KALRN: variants seen among roughly 807,000 people sequenced by gnomAD.
KALRN encodes the protein kalirin RhoGEF kinase.
A neutral mutation model predicts 353.7 loss-of-function variants in KALRN; 70 were observed. That is an observed-to-expected ratio of 0.20 (90% CI 0.16 to 0.24). KALRN has a LOEUF of 0.24. Ranked by LOEUF, KALRN falls within the 10% of genes least tolerant of loss-of-function variation. KALRN has a pLI of 1.00. For missense variants in KALRN, 2,791 were observed against 3,756.7 expected (o/e 0.74, Z 6.72); for synonymous variants, 1,391 against 1,434.8 (o/e 0.97, Z 0.69).
At chr3:124,691,065 C>T (rs1248559320) in intron 51 of KALRN, among the ~76,000 whole-genome samples, 3 of 152,222 alleles carry the variant, frequency 2.0e-5, no homozygotes, top group Non-Finnish European at 2.9e-5. Context: ...GTGACAAATA[C>T]TTCCTGTCTT....
chr3:124,351,263 C>T (rs1313915047), intron 10 of KALRN, among the ~76,000 whole-genome samples: 1 of 152,158 alleles, frequency 6.6e-6, no homozygotes, highest in African/African-American at 2.4e-5. Flanking sequence ...AAAGCATGGA[C>T]ACTCTTGTTC....
intron 51 of KALRN, among the ~76,000 whole-genome samples, chr3:124,686,797 G>GAT (rs2061579032): frequency 8.9e-6 from 1 of 112,004 alleles, no homozygotes; most frequent in Non-Finnish European, 1.8e-5. Context: ...ACACTGGTGA[G>GAT]ATTTTTTTTT....
intron 1 of KALRN, among the ~76,000 whole-genome samples, chr3:124,057,116 T>C (rs1360324152): frequency 6.6e-6 from 1 of 152,198 alleles, no homozygotes; most frequent in Non-Finnish European, 1.5e-5. Context: ...CCTTACCACA[T>C]TTGGCTTTGT....
intron 1 of KALRN, among the ~76,000 whole-genome samples, chr3:124,036,504 G>A (rs1017282432): frequency 6.6e-6 from 1 of 151,620 alleles, no homozygotes; most frequent in Non-Finnish European, 1.5e-5. Flanking sequence ...CTTTGCTATT[G>A]TGAACAGTGC....
At chr3:124,127,052 C>G (rs1440538242) in intron 1 of KALRN, among the ~76,000 whole-genome samples, 3 of 152,128 alleles carry the variant, frequency 2.0e-5, no homozygotes, top group African/African-American at 7.2e-5. Context: ...TGACAGGAGC[C>G]CCAAGCTGCC....
At chr3:124,680,375 T>G (rs1198161501) in intron 51 of KALRN, among the ~76,000 whole-genome samples, 2 of 152,216 alleles carry the variant, frequency 1.3e-5, no homozygotes, top group Non-Finnish European at 2.9e-5. Flanking sequence ...GTAACAACCA[T>G]GATAAATTTA....
intron 34 of KALRN, among the ~76,000 whole-genome samples, chr3:124,630,009 G>C (rs749969862): frequency 6.6e-6 from 1 of 152,072 alleles, no homozygotes; most frequent in Non-Finnish European, 1.5e-5. Flanking sequence ...TGCAACTTTC[G>C]AATGCCCAGC....
At position 124,555,612 on chromosome 3, in the gene KALRN, G is replaced by A. The variant is rs188690155; in HGVS notation, c.4936-7231G>A. On this transcript the variant is annotated intron_variant, in intron 33 of 59. Coordinates refer to ENST00000682506, the MANE Select transcript of KALRN (RefSeq NM_001388419.1). ...GGGCAAGATAAATTTGGTTGAAAGG[G>A]GCTGAGAAAAAAAAATTAACAGTTA... Among the ~76,000 whole-genome samples the A allele has an allele frequency of 2.4e-3, 363 of 151,832 alleles. 2 individuals carry two copies. The highest frequency in any genetic ancestry group is 5.8e-3 in the South Asian group (28 of 4,804).
intron 14 of KALRN, among the ~76,000 whole-genome samples, chr3:124,415,346 C>T (rs765788775): frequency 3.9e-5 from 6 of 152,220 alleles, no homozygotes; most frequent in Admixed American, 3.3e-4. Flanking sequence ...TGCTTTTATT[C>T]GTGATAATTA....
chr3:124,098,439 C>G (rs192195876), intron 1 of KALRN, among the ~76,000 whole-genome samples: 1 of 152,364 alleles, frequency 6.6e-6, no homozygotes, highest in African/African-American at 2.4e-5. Context: ...CTGGGCCTCA[C>G]ACTTTGCCCT....
At chr3:124,273,359 A>G (rs1279575270) in intron 5 of KALRN, among the ~76,000 whole-genome samples, 1 of 152,238 alleles carries the variant, frequency 6.6e-6, no homozygotes, top group East Asian at 1.9e-4. Flanking sequence ...GTGAGCCACC[A>G]AAAGGGTGGG....
intron 33 of KALRN, among the ~76,000 whole-genome samples, chr3:124,536,407 G>A (rs1343513008): frequency 1.3e-5 from 2 of 152,044 alleles, no homozygotes; most frequent in Non-Finnish European, 2.9e-5. Context: ...TTGCCATGTT[G>A]GCCAGGCTGG....
At chr3:124,215,011 G>GA (rs2077197963) in intron 1 of KALRN, among the ~76,000 whole-genome samples, 1 of 152,214 alleles carries the variant, frequency 6.6e-6, no homozygotes, top group African/African-American at 2.4e-5. Flanking sequence ...ATGCCACCTT[G>GA]ACCTGTAGAT....
At chr3:124,233,764 T>C (rs1295648016) in intron 2 of KALRN, among the ~76,000 whole-genome samples, 1 of 152,210 alleles carries the variant, frequency 6.6e-6, no homozygotes, top group Non-Finnish European at 1.5e-5. Flanking sequence ...TTCGCACCTC[T>C]CCACTCTCTT....
At chr3:124,279,179 G>C (rs1005843246) in intron 5 of KALRN, among the ~76,000 whole-genome samples, 1 of 152,192 alleles carries the variant, frequency 6.6e-6, no homozygotes, top group East Asian at 1.9e-4. Flanking sequence ...TTTGAAACTG[G>C]AGAAACCTGG....
intron 1 of KALRN, among the ~76,000 whole-genome samples, chr3:124,145,010 G>A (rs1455984341): frequency 1.3e-5 from 2 of 152,140 alleles, no homozygotes; most frequent in Non-Finnish European, 2.9e-5. Flanking sequence ...AAAGGTGAGG[G>A]TGGACTAAGT....
intron 5 of KALRN, among the ~76,000 whole-genome samples, chr3:124,292,429 G>T (rs893887724): frequency 5.3e-5 from 8 of 152,220 alleles, no homozygotes; most frequent in African/African-American, 1.9e-4. Context: ...AGTGAGAGTT[G>T]AGGTGTAGCA....
At chr3:124,457,429 G>T (rs1310468034) in intron 23 of KALRN, among the ~76,000 whole-genome samples, 1 of 152,074 alleles carries the variant, frequency 6.6e-6, no homozygotes, top group Non-Finnish European at 1.5e-5. Flanking sequence ...GTTTTGTCTG[G>T]ATTATTTGCA....
At chr3:124,682,185 C>G (rs998404017) in intron 51 of KALRN, among the ~76,000 whole-genome samples, 2 of 152,148 alleles carry the variant, frequency 1.3e-5, no homozygotes, top group African/African-American at 4.8e-5. Context: ...AGAGGCTATA[C>G]CTTAAAGATC....
Sources: gnomAD v4.1 joint callset for allele counts (sites outside exome capture counted in the v4.1 genomes callset) on GRCh38, gnomAD v4.1.1 for gene constraint, MANE v1.5 for transcripts, NCBI Gene and HGNC (gene_info 2026-07-23, HGNC 2026-07-21) for gene names.